RBPMS: variants seen among roughly 807,000 people sequenced by gnomAD.
RBPMS encodes RNA binding protein, mRNA processing factor.
In RBPMS, 7 loss-of-function variants were observed where a neutral mutation model predicts 26.8. The ratio of observed to expected loss-of-function variants is 0.26; its 90% confidence interval spans 0.15 to 0.49. RBPMS has a LOEUF of 0.49. RBPMS is among the 20% of genes least tolerant of loss of function. The probability of loss-of-function intolerance (pLI) is 0.98; values close to 1 mark genes in which losing one functional copy is unlikely to be tolerated. For synonymous variants in RBPMS, 96 were observed against 93.3 expected (o/e 1.03, Z -0.17); for missense variants, 186 against 250.0 (o/e 0.74, Z 1.73).
intron 1 of RBPMS, among the ~76,000 whole-genome samples, chr8:30,391,471 A>T (rs1563278779): frequency 6.6e-6 from 1 of 152,180 alleles, no homozygotes; most frequent in East Asian, 1.9e-4. Context: ...TCAAAGAAAA[A>T]AACTTAGGAA....
chr8:30,424,236 G>T (rs1811112143), intron 1 of RBPMS, among the ~76,000 whole-genome samples: 1 of 152,190 alleles, frequency 6.6e-6, no homozygotes, highest in African/African-American at 2.4e-5. Context: ...CTTATTAGCT[G>T]TGCTATCTTG....
Position 30,544,520 on chromosome 8 carries a change from C to G in RBPMS, c.424C>G (p.Pro142Ala), listed in dbSNP as rs758573531. The G allele has an allele frequency of 6.2e-7, 1 of 1,614,142 alleles. No individual in the cohort carries two copies. The highest frequency in any genetic ancestry group is 8.5e-7 in the Non-Finnish European group (1 of 1,180,038). Residue 142 changes from proline (P) to alanine (A), a missense_variant, in exon 6 of 9, where the codon CCC becomes GCC. Pro to Ala is a conservative substitution (Grantham distance 27). Coordinates refer to ENST00000397323, the MANE Select transcript of RBPMS (RefSeq NM_001008710.3). ...PYELTVPALY[P>A]SSPEVWAPYP... Reference sequence around the variant, plus strand: ...TGAGCTCACAGTGCCTGCACTTTACCCCAGTAGCCCTGAAGTGTGGGCCCC... The same window carrying G: ...TGAGCTCACAGTGCCTGCACTTTACGCCAGTAGCCCTGAAGTGTGGGCCCC...
intron 1 of RBPMS, among the ~76,000 whole-genome samples, chr8:30,391,303 G>T (rs895472128): frequency 1.3e-5 from 2 of 152,230 alleles, no homozygotes; most frequent in Non-Finnish European, 1.5e-5. Context: ...GCCTTGGTTA[G>T]GTGGAAGAGC....
chr8:30,528,309 C>T (rs374253190), intron 5 of RBPMS, among the ~76,000 whole-genome samples: 2 of 152,142 alleles, frequency 1.3e-5, no homozygotes, highest in African/African-American at 4.8e-5. Context: ...ATTTGGTTCC[C>T]TGTCTTTTCT....
intron 1 of RBPMS, chr8:30,446,913 T>A (rs1813930695): frequency 6.6e-6 from 1 of 152,110 alleles, no homozygotes. Context: ...AAGGTGACTT[T>A]ATATTTTGAT....
chr8:30,567,607 A>G (rs1192601330), intron 8 of RBPMS, among the ~76,000 whole-genome samples: 1 of 151,604 alleles, frequency 6.6e-6, no homozygotes, highest in African/African-American at 2.4e-5. Flanking sequence ...ATTTTTTTCC[A>G]CTTATGCAAT....
chr8:30,560,632 C>T (rs1333921220), intron 7 of RBPMS, among the ~76,000 whole-genome samples: 1 of 152,272 alleles, frequency 6.6e-6, no homozygotes, highest in East Asian at 1.9e-4. Context: ...CAGGGGCAAT[C>T]GCAGGTGAAG....
intron 5 of RBPMS, among the ~76,000 whole-genome samples, chr8:30,522,399 TGGAGACGC>T (rs1279398385): frequency 6.6e-6 from 1 of 152,038 alleles, no homozygotes; most frequent in East Asian, 1.9e-4. Context: ...TCTCAACATT[TGGAGACGC>T]CAAGGTGGGC....
chr8:30,419,167 T>A (rs1810446033), intron 1 of RBPMS, among the ~76,000 whole-genome samples: 1 of 152,032 alleles, frequency 6.6e-6, no homozygotes, highest in Non-Finnish European at 1.5e-5. Context: ...AAAATATGGC[T>A]GGGCGCAATG....
chr8:30,515,877 G>GATCA (rs1447405461), intron 5 of RBPMS, among the ~76,000 whole-genome samples: 1 of 152,030 alleles, frequency 6.6e-6, no homozygotes. Flanking sequence ...GGCTGGTCTT[G>GATCA]AGCTCAAGCA....
rs1187224594 is a variant in RBPMS, at chr8:30,527,858, C to T, written c.398-16636C>T. Among the ~76,000 whole-genome samples the T allele has an allele frequency of 6.6e-5, 10 of 152,216 alleles. 1 individual carries two copies. The South Asian group carries it at 2.1e-3, about 32-fold the overall frequency. On this transcript the variant is annotated intron_variant, in intron 5 of 8. Transcript: ENST00000397323. ...GTCCCTTTTCTTGTTTCACTTTCTC[C>T]ATGGTTATAATATCCTTAAAGATAG...
At chr8:30,461,615 T>G (rs1454622194) in intron 1 of RBPMS, among the ~76,000 whole-genome samples, 1 of 152,176 alleles carries the variant, frequency 6.6e-6, no homozygotes, top group Admixed American at 6.5e-5. Context: ...CAGGATAGTC[T>G]TGATCTCCTG....
At chr8:30,547,626 A>G (rs761731121) in intron 6 of RBPMS, 14 of 652,832 alleles carry the variant, frequency 2.1e-5, no homozygotes, top group Middle Eastern at 4.3e-4. Flanking sequence ...CACCAAGTCT[A>G]TTTTACATAG....
intron 6 of RBPMS, chr8:30,545,288 T>G: frequency 8.3e-7 from 1 of 1,199,540 alleles, no homozygotes; most frequent in Non-Finnish European, 1.1e-6. Flanking sequence ...TAAACAAACT[T>G]CCTGTTTCTC....
intron 1 of RBPMS, among the ~76,000 whole-genome samples, chr8:30,433,648 G>C (rs896467156): frequency 1.3e-5 from 2 of 152,174 alleles, no homozygotes; most frequent in African/African-American, 4.8e-5. Flanking sequence ...ACTTCAGCCT[G>C]GGTGGCAGAG....
intron 5 of RBPMS, among the ~76,000 whole-genome samples, chr8:30,528,839 A>G (rs1197042150): frequency 6.6e-6 from 1 of 152,094 alleles, no homozygotes; most frequent in Non-Finnish European, 1.5e-5. Flanking sequence ...TTGTTTTAGC[A>G]GCGTTATTGA....
chr8:30,412,229 G>C (rs566027021), intron 1 of RBPMS, among the ~76,000 whole-genome samples: 10 of 152,266 alleles, frequency 6.6e-5, no homozygotes, highest in African/African-American at 2.4e-4. Flanking sequence ...ACAGAACACT[G>C]TGAGAATTAA....
In RBPMS at chr8:30,419,424, C is replaced by T. The variant is rs188376163; in HGVS notation, c.66+34266C>T. On this transcript the variant is annotated intron_variant, in intron 1 of 8. Transcript: ENST00000397323. ...TCATGCCATTGCACTCCAGCCTGGG[C>T]GACAGAGTGAGATTGCATCTCAAAA... 3.5e-3 allele frequency among the ~76,000 whole-genome samples: 501 copies of T among 141,520 alleles called. 1 individual carries two copies. Among genetic ancestry groups the T allele is most frequent in the African/African-American group, 0.013 (466 of 37,094 alleles). The allele number at this position is 141,520 out of a possible 152,430, so 92.8% of individuals were successfully genotyped here.
At chr8:30,550,728 A>C (rs1826285328) in intron 6 of RBPMS, among the ~76,000 whole-genome samples, 1 of 152,210 alleles carries the variant, frequency 6.6e-6, no homozygotes, top group African/African-American at 2.4e-5. Flanking sequence ...AGCTTACGCC[A>C]GCACTGGGAG....
Sources: allele counts gnomAD v4.1 joint callset (sites outside exome capture counted in the v4.1 genomes callset), GRCh38; gene constraint gnomAD v4.1.1; transcripts MANE v1.5; gene names NCBI Gene and HGNC (gene_info 2026-07-23, HGNC 2026-07-21).